FGD4: variants seen among roughly 807,000 people sequenced by gnomAD.
FGD4 encodes the protein FYVE, RhoGEF and PH domain containing 4.
In FGD4, 42 loss-of-function variants were observed where a neutral mutation model predicts 102.0. The observed-to-expected ratio is 0.41, with a 90% confidence interval of 0.32 to 0.53. FGD4 has a LOEUF of 0.53. Ranked by LOEUF, FGD4 falls within the 20% of genes least tolerant of loss-of-function variation. The probability of loss-of-function intolerance (pLI) is 0.21; values close to 1 mark genes in which losing one functional copy is unlikely to be tolerated. For synonymous variants in FGD4, 380 were observed against 375.7 expected (o/e 1.01, Z -0.13); for missense variants, 902 against 1,078.2 (o/e 0.84, Z 2.29).
chr12:32,616,902 G>T (rs1210716133), intron 10 of FGD4, among the ~76,000 whole-genome samples: 1 of 152,160 alleles, frequency 6.6e-6, no homozygotes, highest in African/African-American at 2.4e-5. Context: ...CTGGAGGCTG[G>T]GAAGTCCAAG....
At chr12:32,622,783 G>A (rs1949922327) in intron 11 of FGD4, among the ~76,000 whole-genome samples, 10 of 152,016 alleles carry the variant, frequency 6.6e-5, no homozygotes, top group Admixed American at 6.6e-4. Flanking sequence ...AATAGAGACG[G>A]GGTTTCACCA....
chr12:32,458,039 T>A (rs923364276), intron 1 of FGD4, among the ~76,000 whole-genome samples: 1 of 152,142 alleles, frequency 6.6e-6, no homozygotes, highest in African/African-American at 2.4e-5. Context: ...ATTTCTCTGC[T>A]TGGGAGTACG....
intron 1 of FGD4, among the ~76,000 whole-genome samples, chr12:32,480,525 G>A (rs1943715631): frequency 6.7e-6 from 1 of 149,286 alleles, no homozygotes; most frequent in Non-Finnish European, 1.5e-5. Context: ...TTTTTGAGAC[G>A]GAGTCTTACT....
At chr12:32,514,517 T>C (rs1440180166) in intron 1 of FGD4, among the ~76,000 whole-genome samples, 1 of 152,026 alleles carries the variant, frequency 6.6e-6, no homozygotes, top group Non-Finnish European at 1.5e-5. Flanking sequence ...AGGAAGCTTT[T>C]TGTTTTTGTT....
intron 10 of FGD4, among the ~76,000 whole-genome samples, chr12:32,612,315 G>A (rs1291585581): frequency 1.3e-5 from 2 of 152,192 alleles, no homozygotes; most frequent in Admixed American, 6.5e-5. Flanking sequence ...CCCTGTGCTC[G>A]CTCATTCACG....
intron 11 of FGD4, among the ~76,000 whole-genome samples, chr12:32,620,929 C>T (rs1377992595): frequency 6.6e-6 from 1 of 151,846 alleles, no homozygotes; most frequent in Non-Finnish European, 1.5e-5. Context: ...TCTCAAAGTG[C>T]TGGGATTACA....
chr12:32,563,101 C>T (rs11052073), intron 1 of FGD4, among the ~76,000 whole-genome samples: 1 of 150,390 alleles, frequency 6.6e-6, no homozygotes, highest in Non-Finnish European at 1.5e-5. Flanking sequence ...GCTGACCCCC[C>T]CCACCTCCCT....
At chr12:32,484,907 T>G (rs1003301886) in intron 1 of FGD4, among the ~76,000 whole-genome samples, 3 of 152,110 alleles carry the variant, frequency 2.0e-5, no homozygotes, top group Non-Finnish European at 4.4e-5. Flanking sequence ...AAATCCCATC[T>G]TATTTTTTAA....
chr12:32,545,983 T>C (rs1206172298), intron 1 of FGD4, among the ~76,000 whole-genome samples: 1 of 152,258 alleles, frequency 6.6e-6, no homozygotes, highest in Non-Finnish European at 1.5e-5. Context: ...ATTCTAAGAA[T>C]TCATTTTAAA....
chr12:32,495,345 G>A (rs1249334606), intron 1 of FGD4, among the ~76,000 whole-genome samples: 1 of 152,124 alleles, frequency 6.6e-6, no homozygotes, highest in African/African-American at 2.4e-5. Flanking sequence ...CACTGGTTAT[G>A]CTTTGGTTAT....
intron 1 of FGD4, among the ~76,000 whole-genome samples, chr12:32,532,113 G>T (rs945063796): frequency 1.1e-4 from 17 of 152,038 alleles, no homozygotes; most frequent in African/African-American, 4.1e-4. Flanking sequence ...TATATACTAT[G>T]TTTTCTCCTT....
chr12:32,465,846 A>G (rs1429524693), intron 1 of FGD4, among the ~76,000 whole-genome samples: 5 of 152,102 alleles, frequency 3.3e-5, no homozygotes, highest in Non-Finnish European at 5.9e-5. Flanking sequence ...TGGTGCAGTC[A>G]CTGGTCACTG....
chr12:32,628,436 GA>G (rs1198305148), intron 14 of FGD4, among the ~76,000 whole-genome samples: 1 of 152,112 alleles, frequency 6.6e-6, no homozygotes, highest in African/African-American at 2.4e-5. Context: ...ATTCTAGAGT[GA>G]AAGGTCCAAA....
rs776057372 is a variant in FGD4, at chr12:32,633,916, C to CA, written c.2313+228dup. Among the ~76,000 whole-genome samples the CA allele has an allele frequency of 7.2e-5, 11 of 152,334 alleles. 2 individuals carry two copies. Among genetic ancestry groups the CA allele is most frequent in the Admixed American group, 1.3e-4 (2 of 15,302 alleles). On this transcript the variant is annotated intron_variant, in intron 15 of 16. Coordinates refer to ENST00000534526, the MANE Select transcript of FGD4 (RefSeq NM_001370298.3). ...CCAGCTGGTCTCAAACTCCTGACCT[C>CA]AGGTGATCTGCCCACCTCGGCCTCC...
intron 1 of FGD4, among the ~76,000 whole-genome samples, chr12:32,465,426 T>C (rs1943225786): frequency 6.6e-6 from 1 of 151,894 alleles, no homozygotes; most frequent in African/African-American, 2.4e-5. Flanking sequence ...TCCCAGCACT[T>C]TGGGAGGCTG....
intron 4 of FGD4, among the ~76,000 whole-genome samples, chr12:32,587,077 G>A (rs1405572108): frequency 6.6e-6 from 1 of 150,900 alleles, no homozygotes; most frequent in Non-Finnish European, 1.5e-5. Context: ...TGTAGTCCCA[G>A]CTACTAGCAG....
At chr12:32,422,052 G>C (rs1941647418) in intron 1 of FGD4, among the ~76,000 whole-genome samples, 1 of 150,910 alleles carries the variant, frequency 6.6e-6, no homozygotes, top group African/African-American at 2.4e-5. Flanking sequence ...GCTGAGGCAG[G>C]AGAATGGCGT....
chr12:32,443,766 T>C (rs1305711128), intron 1 of FGD4, among the ~76,000 whole-genome samples: 3 of 150,336 alleles, frequency 2.0e-5, no homozygotes, highest in African/African-American at 7.3e-5. Context: ...GCCCAGGTTG[T>C]CTTTCTCTTT....
At position 32,434,497 on chromosome 12, in the gene FGD4, G is replaced by A. The variant is rs146631279; in HGVS notation, c.166+34538G>A. Among the ~76,000 whole-genome samples, 189 of 152,312 alleles carry A rather than the reference G, an allele frequency of 1.2e-3. 1 individual carries two copies. The highest frequency in any genetic ancestry group is 4.4e-3 in the African/African-American group (181 of 41,564). ...ACACACGAAAAATAAGTTTGAATTT[G>A]TAGGCTAAATTCATTTCTTAGCTCC... On this transcript the variant is annotated intron_variant, in intron 1 of 16. Coordinates refer to ENST00000534526, the MANE Select transcript of FGD4 (RefSeq NM_001370298.3).
Sources: allele counts gnomAD v4.1 joint callset (sites outside exome capture counted in the v4.1 genomes callset), GRCh38; gene constraint gnomAD v4.1.1; transcripts MANE v1.5; gene names NCBI Gene and HGNC (gene_info 2026-07-23, HGNC 2026-07-21).